Variants in CCAR1 observed in about 807,000 individuals in gnomAD.
CCAR1 encodes cell division cycle and apoptosis regulator protein 1.
In CCAR1, 78 loss-of-function variants were observed where a neutral mutation model predicts 163.8. The ratio of observed to expected loss-of-function variants is 0.48; its 90% confidence interval spans 0.40 to 0.57. The LOEUF (loss-of-function observed/expected upper bound fraction) is 0.57. CCAR1 is among the 20% of genes least tolerant of loss of function. The probability of loss-of-function intolerance (pLI) is 0.00; values close to 1 mark genes in which losing one functional copy is unlikely to be tolerated. For missense variants in CCAR1, 1,019 were observed against 1,365.2 expected, an observed-to-expected ratio of 0.75 and a Z score of 4.00; for synonymous variants, 443 against 460.7, an observed-to-expected ratio of 0.96 and a Z score of 0.49.
intron 1 of CCAR1, chr10:68,721,794 T>C (rs1038440558): frequency 5.3e-5 from 14 of 263,298 alleles, no homozygotes; most frequent in Non-Finnish European, 1.0e-4. Context: ...CTCTGGCCCT[T>C]GAGGGTCGTG....
rs779529305 is a variant in CCAR1 at position 68,754,836 on chromosome 10, A to G, written c.1458+9A>G. The G allele has an allele frequency of 1.4e-6, 2 of 1,468,658 alleles. No homozygotes were observed. The highest frequency in any genetic ancestry group is 2.3e-5 in the South Asian group (2 of 87,808). The allele number at this position is 1,468,658 out of a possible 1,614,324, so 91.0% of individuals were successfully genotyped here. On this transcript the variant is annotated intron_variant, in intron 12 of 24. Coordinates refer to ENST00000265872, the MANE Select transcript of CCAR1 (RefSeq NM_018237.4). ...CTGCTAGACTTGTTAAGGTAAAAGG[A>G]CACATTTGTTTTAACTTTAGATGTA...
At chr10:68,741,675 T>C (rs2056186672) in intron 5 of CCAR1, among the ~76,000 whole-genome samples, 1 of 152,192 alleles carries the variant, frequency 6.6e-6, no homozygotes, top group Non-Finnish European at 1.5e-5. Context: ...TATTATATGC[T>C]CCCATTTATC....
intron 19 of CCAR1, among the ~76,000 whole-genome samples, chr10:68,781,984 C>T (rs1049788521): frequency 6.6e-5 from 10 of 152,018 alleles, no homozygotes; most frequent in African/African-American, 9.7e-5. Context: ...GTTTTTTTGG[C>T]GTCAGTTAGC....
chr10:68,768,760 A>C (rs2056565348), intron 17 of CCAR1, among the ~76,000 whole-genome samples: 1 of 152,134 alleles, frequency 6.6e-6, no homozygotes, highest in South Asian at 2.1e-4. Flanking sequence ...GTGTGAGCCC[A>C]GGAGTCTGAG....
chr10:68,749,317 G>A (rs2056301093), intron 9 of CCAR1, 52 bp downstream of exon 9: 4 of 1,515,430 alleles, frequency 2.6e-6, no homozygotes, highest in Non-Finnish European at 3.6e-6. Flanking sequence ...TACAACAATG[G>A]AAACATAGTT....
At chr10:68,741,411 CTATT>C (rs1469461050) in intron 5 of CCAR1, among the ~76,000 whole-genome samples, 15 of 152,228 alleles carry the variant, frequency 9.9e-5, no homozygotes, top group East Asian at 3.9e-4. Context: ...GCTTTACAGA[CTATT>C]TATTGTATCT....
chr10:68,749,706 T>G (rs1441557673), intron 10 of CCAR1, 21 bp downstream of exon 10: 5 of 1,575,924 alleles, frequency 3.2e-6, no homozygotes, highest in South Asian at 2.3e-5. Context: ...CCCCACCCAT[T>G]GTTTTCTTGA....
intron 6 of CCAR1, among the ~76,000 whole-genome samples, chr10:68,745,867 G>A (rs2056246825): frequency 1.3e-5 from 2 of 152,020 alleles, no homozygotes; most frequent in Non-Finnish European, 2.9e-5. Context: ...AGCTGGTCTT[G>A]AACTGACTGC....
intron 2 of CCAR1, among the ~76,000 whole-genome samples, chr10:68,736,429 A>G (rs552456500): frequency 1.6e-4 from 24 of 152,264 alleles, no homozygotes; most frequent in South Asian, 4.1e-4. Context: ...GTGATGTACA[A>G]TGGGTATCTT....
At chr10:68,773,142 C>A in intron 19 of CCAR1, 43 bp downstream of exon 19, 1 of 1,047,700 alleles carries the variant, frequency 9.5e-7, no homozygotes, top group Non-Finnish European at 1.4e-6. Context: ...GTTAAGAATA[C>A]ATTTTTTGTT....
intron 8 of CCAR1, among the ~76,000 whole-genome samples, chr10:68,747,772 TAAATATC>T (rs1432246328): frequency 6.6e-6 from 1 of 152,186 alleles, no homozygotes; most frequent in Non-Finnish European, 1.5e-5. Context: ...TTTGTGGACT[TAAATATC>T]AAAACTATTA....
Position 68,786,699 on chromosome 10 carries a change from T to G in CCAR1, c.2880+7T>G. 1 of 1,579,980 alleles carries G rather than the reference T, an allele frequency of 6.3e-7. No individual in the cohort carries two copies. ...ACATCTTTCTCGGGCTCAGGTAATC[T>G]ATCTTGTGAATATTTAAAAGGAAAA... On this transcript the variant is annotated splice_region_variant and intron_variant, in intron 21 of 24. Transcript: ENST00000265872.
At chr10:68,750,214 CTTTTT>C (rs58204351) in intron 10 of CCAR1, among the ~76,000 whole-genome samples, 5 of 52,968 alleles carry the variant, frequency 9.4e-5, no homozygotes, top group Non-Finnish European at 2.1e-4. Flanking sequence ...TTTCTTTTTT[CTTTTT>C]TTTTTTTTTT....
intron 16 of CCAR1, among the ~76,000 whole-genome samples, chr10:68,762,533 C>T (rs1231154570): frequency 6.6e-6 from 1 of 152,110 alleles, no homozygotes; most frequent in Non-Finnish European, 1.5e-5. Flanking sequence ...CTCCCGGATG[C>T]ATAAGCCTGT....
chr10:68,721,864 G>A (rs1201655612), intron 1 of CCAR1, among the ~76,000 whole-genome samples: 2 of 152,184 alleles, frequency 1.3e-5, no homozygotes, highest in African/African-American at 4.8e-5. Flanking sequence ...TATCTTGGGG[G>A]GAGGGGTTTT....
At chr10:68,757,417 T>C in intron 15 of CCAR1, 40 bp downstream of exon 15, 1 of 1,168,402 alleles carries the variant, frequency 8.6e-7, no homozygotes, top group South Asian at 1.3e-5. Context: ...TTTTTTTCAA[T>C]TAAAAAGTTC....
At chr10:68,737,607 C>T (rs1378308862) in intron 3 of CCAR1, among the ~76,000 whole-genome samples, 1 of 151,582 alleles carries the variant, frequency 6.6e-6, no homozygotes, top group Non-Finnish European at 1.5e-5. Context: ...TTTTTGGATC[C>T]CGGAGTATAA....
In CCAR1 at chr10:68,766,103, G is replaced by A. The variant is rs748424906; in HGVS notation, c.2298+24G>A. 4.1e-6 allele frequency: 6 copies of A among 1,464,594 alleles called. No homozygotes were observed. In the South Asian group the frequency reaches 6.9e-5, roughly 17 times the overall value. 90.7% of individuals were successfully genotyped at this position (1,464,594 alleles called of 1,614,324 possible). ...AGGTAATGTTTTAAGTTTGAAATAA[G>A]ATCCATATAAGGTCCACACATTATG... On this transcript the variant is annotated intron_variant, in intron 17 of 24. Coordinates refer to ENST00000265872, the MANE Select transcript of CCAR1 (RefSeq NM_018237.4).
intron 10 of CCAR1, 50 bp from the exon 11 acceptor site, chr10:68,753,802 T>C: frequency 7.6e-7 from 1 of 1,321,588 alleles, no homozygotes; most frequent in Non-Finnish European, 1.1e-6. Flanking sequence ...AATGTTTGTG[T>C]AACCTTTTTT....
Sources: allele counts gnomAD v4.1 joint callset (sites outside exome capture counted in the v4.1 genomes callset), GRCh38; gene constraint gnomAD v4.1.1; transcripts MANE v1.5; gene names NCBI Gene and HGNC (gene_info 2026-07-23, HGNC 2026-07-21).